PDZRN3: variants seen among roughly 807,000 people sequenced by gnomAD.
PDZRN3 encodes E3 ubiquitin-protein ligase PDZRN3.
In PDZRN3, 38 loss-of-function variants were observed where a neutral mutation model predicts 85.7. The observed-to-expected ratio is 0.44, with a 90% CI of 0.34 to 0.58. The LOEUF (loss-of-function observed/expected upper bound fraction) is 0.58. PDZRN3 is among the 20% of genes least tolerant of loss of function. The pLI is 0.01. For synonymous variants in PDZRN3, 759 were observed against 638.0 expected, an observed-to-expected ratio of 1.19 and a Z score of -2.86; for missense variants, 1,629 against 1,506.4, an observed-to-expected ratio of 1.08 and a Z score of -1.35.
chr3:73,455,896 T>A (rs1702966852), intron 3 of PDZRN3, among the ~76,000 whole-genome samples: 1 of 152,208 alleles, frequency 6.6e-6, no homozygotes, highest in East Asian at 1.9e-4. Flanking sequence ...TCCATGTCCA[T>A]GCACAAAAAT....
Position 73,434,369 on chromosome 3 carries a change from G to T in PDZRN3, c.919-29974C>A, listed in dbSNP as rs557834646. Among the ~76,000 whole-genome samples, 21 of 152,290 alleles carry T rather than the reference G, an allele frequency of 1.4e-4. No homozygotes were observed. The South Asian group carries it at 4.3e-3, about 32-fold the overall frequency. On this transcript the variant is annotated intron_variant, in intron 3 of 9. Transcript: ENST00000263666. ...TAAACGGACTTTATGGAAAGGACATGTTTTGAATAATGTTCATATAATATT... is the reference window on the plus strand; with the variant it reads ...TAAACGGACTTTATGGAAAGGACATTTTTTGAATAATGTTCATATAATATT...
chr3:73,484,412 A>G (rs909928212), intron 3 of PDZRN3, among the ~76,000 whole-genome samples: 9 of 152,004 alleles, frequency 5.9e-5, no homozygotes, highest in African/African-American at 1.2e-4. Context: ...TCATTTTCCA[A>G]TGGAGGGGGG....
chr3:73,453,455 T>C (rs1702915612), intron 3 of PDZRN3, among the ~76,000 whole-genome samples: 1 of 145,106 alleles, frequency 6.9e-6, no homozygotes, highest in African/African-American at 2.6e-5. Flanking sequence ...GAAGAAAGAA[T>C]TCGCTGTTAA....
At chr3:73,443,476 TTTC>T (rs1178689856) in intron 3 of PDZRN3, among the ~76,000 whole-genome samples, 1 of 37,826 alleles carries the variant, frequency 2.6e-5, no homozygotes, top group African/African-American at 7.0e-5. Flanking sequence ...TATTTTCCTT[TTTC>T]TTTTTTTTTT....
intron 3 of PDZRN3, among the ~76,000 whole-genome samples, chr3:73,545,035 G>GTTTTTT (rs1293924782): frequency 6.6e-6 from 1 of 152,142 alleles, no homozygotes; most frequent in African/African-American, 2.4e-5. Context: ...GAAAAAAAAG[G>GTTTTTT]TCCGCTTAGA....
chr3:73,623,937 T>G, intron 1 of PDZRN3, 166 bp downstream of exon 1: 1 of 641,538 alleles, frequency 1.6e-6, no homozygotes. Flanking sequence ...TCAGGCAGGT[T>G]CAGCGACCTG....
intron 3 of PDZRN3, among the ~76,000 whole-genome samples, chr3:73,561,042 T>C (rs1194216453): frequency 6.6e-6 from 1 of 152,222 alleles, no homozygotes; most frequent in African/African-American, 2.4e-5. Flanking sequence ...AATTTGCCTA[T>C]TAGCAGAACA....
intron 3 of PDZRN3, among the ~76,000 whole-genome samples, chr3:73,436,084 G>A (rs1347632969): frequency 6.6e-6 from 1 of 152,082 alleles, no homozygotes; most frequent in African/African-American, 2.4e-5. Flanking sequence ...CCGCTCAAAT[G>A]AAGCCTCCTT....
At chr3:73,402,445 T>A (rs950461925) in intron 4 of PDZRN3, 3 of 152,260 alleles carry the variant, frequency 2.0e-5, no homozygotes, top group Non-Finnish European at 4.4e-5. Context: ...CTGACTGACC[T>A]GCCTTTCCAT....
At chr3:73,559,167 G>A (rs920866668) in intron 3 of PDZRN3, among the ~76,000 whole-genome samples, 2 of 152,188 alleles carry the variant, frequency 1.3e-5, no homozygotes, top group African/African-American at 4.8e-5. Flanking sequence ...ATGCCTTTCA[G>A]TGGGTTTGGA....
chr3:73,532,734 G>T (rs566524279), intron 3 of PDZRN3, among the ~76,000 whole-genome samples: 1 of 152,304 alleles, frequency 6.6e-6, no homozygotes, highest in Admixed American at 6.5e-5. Flanking sequence ...GAAAGAGCAT[G>T]TTCAGTCCTG....
intron 3 of PDZRN3, among the ~76,000 whole-genome samples, chr3:73,596,157 T>C (rs536392196): frequency 1.2e-4 from 19 of 152,218 alleles, no homozygotes; most frequent in South Asian, 1.0e-3. Flanking sequence ...AAGAGCTCCA[T>C]TGGGCCAAAA....
chr3:73,573,475 T>C (rs1702072328), intron 3 of PDZRN3, among the ~76,000 whole-genome samples: 2 of 152,190 alleles, frequency 1.3e-5, no homozygotes, highest in Non-Finnish European at 2.9e-5. Flanking sequence ...ACCTGTTTTA[T>C]TAAATAAAGT....
Position 73,624,163 on chromosome 3 carries a change from G to C in PDZRN3, c.663C>G (p.Thr221=), listed in dbSNP as rs774486590. ...GCGAGTCGAGGCGCGCGCTGTATTC[G>C]GTGAATTTCTTCTGGTAGCGCAGCG... ...MTALRYQKKF[T]EYSARLDSLS... Residue 221 remains threonine, a synonymous_variant, in exon 1 of 10, where the codon ACC becomes ACG. Transcript: ENST00000263666. 8 of 1,502,702 alleles carry C rather than the reference G, an allele frequency of 5.3e-6. No individual in the cohort carries two copies. The highest frequency in any genetic ancestry group is 1.4e-5 in the African/African-American group (1 of 69,194). 93.1% of individuals were successfully genotyped at this position (1,502,702 alleles called of 1,614,324 possible). A position where few individuals can be genotyped will look rare whatever the true frequency, so the allele number is the denominator to read the frequency against.
chr3:73,502,920 A>C (rs906965691), intron 3 of PDZRN3, among the ~76,000 whole-genome samples: 2 of 152,194 alleles, frequency 1.3e-5, no homozygotes, highest in African/African-American at 4.8e-5. Flanking sequence ...AATACTTTCT[A>C]CAAGATGGTC....
chr3:73,550,251 C>G (rs1038075897), intron 3 of PDZRN3, among the ~76,000 whole-genome samples: 2 of 152,172 alleles, frequency 1.3e-5, no homozygotes, highest in Non-Finnish European at 2.9e-5. Flanking sequence ...ACCCCTCAAC[C>G]CCCCAGACCT....
chr3:73,470,483 G>A (rs1262352479), intron 3 of PDZRN3, among the ~76,000 whole-genome samples: 2 of 152,206 alleles, frequency 1.3e-5, no homozygotes, highest in African/African-American at 4.8e-5. Context: ...TCAGGAAAGA[G>A]AAGTAACATG....
chr3:73,492,086 G>A (rs1490326227), intron 3 of PDZRN3, among the ~76,000 whole-genome samples: 1 of 152,170 alleles, frequency 6.6e-6, no homozygotes, highest in Non-Finnish European at 1.5e-5. Context: ...AACTAGCAGT[G>A]AAGAAAGTTT....
chr3:73,517,861 G>A (rs947990258), intron 3 of PDZRN3, among the ~76,000 whole-genome samples: 1 of 152,130 alleles, frequency 6.6e-6, no homozygotes, highest in Non-Finnish European at 1.5e-5. Flanking sequence ...CTTTGATGTG[G>A]GATACCATAC....
Sources: allele counts gnomAD v4.1 joint callset (sites outside exome capture counted in the v4.1 genomes callset), GRCh38; gene constraint gnomAD v4.1.1; transcripts MANE v1.5; gene names NCBI Gene and HGNC (gene_info 2026-07-23, HGNC 2026-07-21).